The following CLEC10A variants were observed in gnomAD, a reference collection of about 807,000 sequenced individuals.
The protein encoded by CLEC10A is C-type lectin domain containing 10A, also known as C-type lectin domain family 10 member A.
Under a neutral mutation model 42.0 loss-of-function variants are expected in CLEC10A, and 38 were observed. That is an observed-to-expected ratio of 0.90 (90% CI 0.70 to 1.18). CLEC10A has a LOEUF of 1.18. CLEC10A is among the 50% of genes most tolerant of loss of function. The probability of loss-of-function intolerance (pLI) is 0.00; values close to 1 mark genes in which losing one functional copy is unlikely to be tolerated. For synonymous variants in CLEC10A, 126 were observed against 139.9 expected (o/e 0.90, Z 0.70); for missense variants, 298 against 345.9 (o/e 0.86, Z 1.10).
At position 7,075,471 on chromosome 17, in the gene CLEC10A, G is replaced by C; in HGVS notation, c.595-5C>G. 6.5e-7 allele frequency: 1 copy of C among 1,530,252 alleles called. No homozygotes were observed. The allele number at this position is 1,530,252 out of a possible 1,614,324, so 94.8% of individuals were successfully genotyped here. On this transcript the variant is annotated splice_region_variant and splice_polypyrimidine_tract_variant and intron_variant, in intron 7 of 8. Transcript: ENST00000416562. ...TAGATATTTCTGGACAAAATTCTGC[G>C]GTGACAGAAGGGCAGTGGTGACTTC... is the stretch of plus-strand genomic sequence containing the variant.
At chr17:7,075,548 G>A (rs763027849) in intron 7 of CLEC10A, 82 bp from the exon 8 acceptor site, 36 of 1,430,868 alleles carry the variant, frequency 2.5e-5, no homozygotes, top group East Asian at 7.0e-5. Flanking sequence ...TTAGCTCTTC[G>A]TTAAATCAAC....
intron 1 of CLEC10A, among the ~76,000 whole-genome samples, chr17:7,079,707 TTTTA>T (rs1912064038): frequency 6.6e-6 from 1 of 152,076 alleles, no homozygotes; most frequent in Admixed American, 6.6e-5. Flanking sequence ...TTATTTTTAT[TTTTA>T]TTTATTTATT....
Position 7,075,125 on chromosome 17 carries a change from C to G in CLEC10A, c.799G>C (p.Asp267His). 1 of 1,608,604 alleles carries G rather than the reference C, an allele frequency of 6.2e-7. No homozygotes were observed. Residue 267 changes from aspartate to histidine, a missense_variant, in exon 9 of 9, where the codon GAC becomes CAC. Asp to His is a moderately conservative substitution (Grantham distance 81). Coordinates refer to ENST00000416562, the MANE Select transcript of CLEC10A (RefSeq NM_001330070.2). ...HFHPDGRWND[D>H]VCQRPYHWVC... is the part of the protein sequence containing the mutation. ...CAGTGGTAGGGCCTCTGGCAGACGT[C>G]GTCATTCCACCTGCCGTCTGGATGG...
chr17:7,076,834 T>C, intron 4 of CLEC10A, 30 bp from the exon 5 acceptor site: 1 of 1,613,646 alleles, frequency 6.2e-7, no homozygotes. Flanking sequence ...GGCTTAGGGG[T>C]CAACTTCCTC....
chr17:7,075,477 A>C lies in CLEC10A; in HGVS notation c.595-11T>G. 1.3e-6 allele frequency: 2 copies of C among 1,531,226 alleles called. No individual in the cohort carries two copies. The highest frequency in any genetic ancestry group is 1.8e-6 in the Non-Finnish European group (2 of 1,140,740). 94.9% of individuals were successfully genotyped at this position (1,531,226 alleles called of 1,614,324 possible). On this transcript the variant is annotated splice_polypyrimidine_tract_variant and intron_variant, in intron 7 of 8. Coordinates refer to ENST00000416562, the MANE Select transcript of CLEC10A (RefSeq NM_001330070.2). Reference sequence around the variant, plus strand: ...TTTCTGGACAAAATTCTGCGGTGACAGAAGGGCAGTGGTGACTTCTTCCCA... The same window carrying C: ...TTTCTGGACAAAATTCTGCGGTGACCGAAGGGCAGTGGTGACTTCTTCCCA...
rs767683741 is a variant in CLEC10A, at chr17:7,076,935, G to T, written c.237C>A (p.Phe79Leu). The T allele has an allele frequency of 2.4e-5, 39 of 1,613,972 alleles. No individual in the cohort carries two copies. The highest frequency in any genetic ancestry group is 3.1e-5 in the Non-Finnish European group (37 of 1,179,984). The change falls in exon 4 of 9, where the codon TTC becomes TTA. Residue 79 changes from phenylalanine to leucine, a missense_variant. By Grantham distance (22) the Phe-to-Leu change is conservative. Transcript: ENST00000416562. Reference sequence around the variant, plus strand: ...GGATCTCCGCCACAGTGTTTGAGGTGAAGTTGCTAAAATCTGTTCTCAGGG... The same window carrying T: ...GGATCTCCGCCACAGTGTTTGAGGTTAAGTTGCTAAAATCTGTTCTCAGGG... ...LVTLRTDFSN[F>L]TSNTVAEIQA...
intron 7 of CLEC10A, 24 bp downstream of exon 7, chr17:7,075,707 G>A (rs1457352209): frequency 7.4e-6 from 12 of 1,614,068 alleles, no homozygotes; most frequent in Non-Finnish European, 9.3e-6. Context: ...CATGTCTTAG[G>A]AACTGAGTAC....
chr17:7,077,046 C>T (rs934474664), intron 3 of CLEC10A, 59 bp from the exon 4 acceptor site: 32 of 1,189,382 alleles, frequency 2.7e-5, no homozygotes, highest in South Asian at 1.7e-4. Context: ...GTACCAGCAC[C>T]GAGCAGGGCC....
intron 3 of CLEC10A, among the ~76,000 whole-genome samples, chr17:7,077,351 C>CCCCCGTCACCATT (rs1911840984): frequency 1.6e-5 from 2 of 126,668 alleles, no homozygotes; most frequent in African/African-American, 5.7e-5. Flanking sequence ...TCCATCAGTG[C>CCCCCGTCACCATT]TCCGACCACT....
chr17:7,077,947 T>C (rs1911942617), intron 3 of CLEC10A, 50 bp downstream of exon 3: 2 of 1,409,580 alleles, frequency 1.4e-6, no homozygotes, highest in East Asian at 4.6e-5. Context: ...CCATTATTTA[T>C]CTTCTACCCC....
intron 5 of CLEC10A, among the ~76,000 whole-genome samples, chr17:7,076,352 C>G (rs1911746795): frequency 6.8e-6 from 1 of 147,684 alleles, no homozygotes; most frequent in African/African-American, 2.5e-5. Context: ...CTCTTGCTGC[C>G]CAGGCTGGAG....
At position 7,078,891 on chromosome 17, in the gene CLEC10A, G is replaced by C; in HGVS notation, c.-73-6C>G. On this transcript the variant is annotated splice_polypyrimidine_tract_variant and splice_region_variant and intron_variant, in intron 1 of 8. Coordinates refer to ENST00000416562, the MANE Select transcript of CLEC10A (RefSeq NM_001330070.2). ...GCGCCCAGTCTGGGGTGGAGCTGGGGAATAGGAGGTTGGGACTAAGTTGGA... is the reference window on the plus strand; with the variant it reads ...GCGCCCAGTCTGGGGTGGAGCTGGGCAATAGGAGGTTGGGACTAAGTTGGA... 5.8e-6 allele frequency: 8 copies of C among 1,379,404 alleles called. No homozygotes were observed. The highest frequency in any genetic ancestry group is 8.3e-6 in the Non-Finnish European group (8 of 966,332). 85.4% of individuals were successfully genotyped at this position (1,379,404 alleles called of 1,614,324 possible).
intron 1 of CLEC10A, among the ~76,000 whole-genome samples, chr17:7,079,105 C>A (rs1912032801): frequency 6.6e-6 from 1 of 152,162 alleles, no homozygotes; most frequent in Non-Finnish European, 1.5e-5. Flanking sequence ...GCCAGTTAAT[C>A]AGGCAGGACT....
chr17:7,075,665 G>C (rs1383856875), intron 7 of CLEC10A, 66 bp downstream of exon 7: 1 of 1,609,540 alleles, frequency 6.2e-7, no homozygotes, highest in Non-Finnish European at 8.5e-7. Context: ...CCAATGTGCG[G>C]CCAAGCTTAA....
intron 5 of CLEC10A, 129 bp from the exon 6 acceptor site, chr17:7,076,200 C>A (rs1309328291): frequency 1.3e-6 from 2 of 1,570,084 alleles, no homozygotes; most frequent in East Asian, 4.5e-5. Flanking sequence ...CCCACCCACC[C>A]CCTACATCAT....
chr17:7,075,873 C>T lies in CLEC10A; in HGVS notation c.452G>A (p.Gly151Glu). Residue 151 changes from glycine (G) to glutamate (E), a missense_variant, in exon 7 of 9, where the codon GGG becomes GAG. By Grantham distance (98) the Gly-to-Glu change is moderately conservative. This residue lies in a region of CLEC10A where 267 missense variants were observed against 289.5 expected (regional missense o/e 0.92). Transcript: ENST00000416562. ...ATLNNNASTE[G>E]TCCPVNWVEH... ...CACCCAGTTGACAGGGCAGCAGGTC[C>T]CTTCAGTGGAGGCTGATTGGGGAGA... 6.2e-7 allele frequency: 1 copy of T among 1,610,710 alleles called. No individual in the cohort carries two copies.
chr17:7,078,912 T>G, intron 1 of CLEC10A, 27 bp from the exon 2 acceptor site: 2 of 1,118,098 alleles, frequency 1.8e-6, no homozygotes, highest in Non-Finnish European at 2.7e-6. Context: ...TGGGACTAAG[T>G]TGGAGCCAAG....
At position 7,078,067 on chromosome 17, in the gene CLEC10A, G is replaced by A. The variant is rs1911959434; in HGVS notation, c.114C>T (p.Pro38=). The A allele has an allele frequency of 1.9e-6, 3 of 1,613,884 alleles. No homozygotes were observed. The highest frequency in any genetic ancestry group is 2.7e-5 in the African/African-American group (2 of 74,896). The change falls in exon 3 of 9, where the codon CCC becomes CCT. Residue 38 remains proline (P), a synonymous_variant. Coordinates refer to ENST00000416562, the MANE Select transcript of CLEC10A (RefSeq NM_001330070.2). ...QSLLQRLCSG[P]CHLLLSLGLG... is the part of the protein sequence containing the mutation. Reference sequence around the variant, plus strand: ...GGCCCAGGGACAGCAGGAGATGGCAGGGCCCAGAGCAGAGACGCTGCAGGA... The same window carrying A: ...GGCCCAGGGACAGCAGGAGATGGCAAGGCCCAGAGCAGAGACGCTGCAGGA...
chr17:7,076,441 G>T (rs938639726), intron 5 of CLEC10A, among the ~76,000 whole-genome samples: 11 of 150,960 alleles, frequency 7.3e-5, no homozygotes, highest in African/African-American at 2.4e-4. Flanking sequence ...CTCCCTAGTA[G>T]CTGAGATTAC....
Sources: allele counts gnomAD v4.1 joint callset (sites outside exome capture counted in the v4.1 genomes callset), GRCh38; gene constraint gnomAD v4.1.1; regional missense constraint gnomAD v4.1.1; transcripts MANE v1.5; gene names NCBI Gene and HGNC (gene_info 2026-07-23, HGNC 2026-07-21).